Variants in NYAP2 observed in about 807,000 individuals in gnomAD.
The protein encoded by NYAP2 is neuronal tyrosine-phosphorylated phosphoinositide-3-kinase adaptor 2.
A neutral mutation model predicts 50.4 loss-of-function variants in NYAP2; 23 were observed. That is an observed-to-expected ratio of 0.46 (90% CI 0.33 to 0.65). The LOEUF (loss-of-function observed/expected upper bound fraction) is 0.65. Among genes scored for constraint, NYAP2 ranks in the 30% least tolerant of loss-of-function variants. The pLI is 0.02. For missense variants in NYAP2, 885 were observed against 861.0 expected (o/e 1.03, Z -0.35); for synonymous variants, 394 against 365.2 (o/e 1.08, Z -0.90).
chr2:225,498,035 C>G (rs994980955), intron 3 of NYAP2, among the ~76,000 whole-genome samples: 1 of 152,100 alleles, frequency 6.6e-6, no homozygotes, highest in Admixed American at 6.6e-5. Flanking sequence ...ATTTCTGTAA[C>G]TCTTTAATAT....
chr2:225,693,270 T>C, the NYAP2 span, among the ~76,000 whole-genome samples: 1 of 152,100 alleles, frequency 6.6e-6, no homozygotes, highest in Non-Finnish European at 1.5e-5. Context: ...CTTTGGAGCT[T>C]TGAGGAGTAC....
the NYAP2 span, among the ~76,000 whole-genome samples, chr2:225,683,892 T>A: frequency 6.6e-6 from 1 of 152,194 alleles, no homozygotes; most frequent in Non-Finnish European, 1.5e-5. Context: ...TTCTGCCTTT[T>A]CATACTGACC....
chr2:225,675,264 T>C, the NYAP2 span, among the ~76,000 whole-genome samples: 1 of 152,078 alleles, frequency 6.6e-6, no homozygotes, highest in African/African-American at 2.4e-5. Context: ...TAGTACCCAA[T>C]GGGCATTTCT....
At chr2:225,672,785 G>T in the NYAP2 span, among the ~76,000 whole-genome samples, 1 of 133,948 alleles carries the variant, frequency 7.5e-6, no homozygotes, top group African/African-American at 2.7e-5. Context: ...CATGTCTCAG[G>T]GAAGAGGGAG....
chr2:225,578,715 A>G (rs570421069), intron 4 of NYAP2, among the ~76,000 whole-genome samples: 17 of 152,300 alleles, frequency 1.1e-4, no homozygotes, highest in South Asian at 8.3e-4. Flanking sequence ...GCTTGGAAAG[A>G]GTTGTTTAAT....
intron 4 of NYAP2, among the ~76,000 whole-genome samples, chr2:225,541,770 C>T (rs2106204186): frequency 6.6e-6 from 1 of 152,072 alleles, no homozygotes; most frequent in South Asian, 2.1e-4. Flanking sequence ...TTTAGCTATT[C>T]TAGGACTTTG....
intron 6 of NYAP2, among the ~76,000 whole-genome samples, chr2:225,651,193 G>A (rs1297771576): frequency 6.6e-6 from 1 of 152,218 alleles, no homozygotes; most frequent in East Asian, 1.9e-4. Flanking sequence ...GGTAAAATGT[G>A]CAAAGGCACA....
intron 3 of NYAP2, among the ~76,000 whole-genome samples, chr2:225,484,427 G>A (rs542182595): frequency 6.6e-6 from 1 of 152,324 alleles, no homozygotes; most frequent in African/African-American, 2.4e-5. Context: ...CTAGTGTTAA[G>A]ACATAGTTTA....
intron 4 of NYAP2, among the ~76,000 whole-genome samples, chr2:225,540,420 C>T (rs538350681): frequency 4.1e-4 from 63 of 152,310 alleles, no homozygotes; most frequent in East Asian, 7.7e-4. Context: ...GTGAAAGGCA[C>T]GTCTCACATG....
At position 225,652,198 on chromosome 2, in the gene NYAP2, TTTGACTGGCCAGACAAA is replaced by T. The variant is rs1324187261; in HGVS notation, c.*647_*663del. On this transcript the variant is annotated 3_prime_UTR_variant, in exon 7 of 7. Transcript: ENST00000636099. Reference sequence around the variant, plus strand: ...TAGGCTATTGACTGGCCTAAGACAATTTGACTGGCCAGACAAATTGACTGGCCAGATAATCTAGATAT... The same window carrying T: ...TAGGCTATTGACTGGCCTAAGACAATTTGACTGGCCAGATAATCTAGATAT... The T allele has an allele frequency of 1.1e-4, 17 of 152,206 alleles. No individual in the cohort carries two copies. In the South Asian group the frequency reaches 1.5e-3, roughly 13 times the overall value. 9.4% of individuals were successfully genotyped at this position (152,206 alleles called of 1,614,324 possible). A position where few individuals can be genotyped will look rare whatever the true frequency, so the allele number is the denominator to read the frequency against.
intron 3 of NYAP2, among the ~76,000 whole-genome samples, chr2:225,435,508 A>T (rs182607051): frequency 3.9e-5 from 6 of 152,200 alleles, no homozygotes; most frequent in Non-Finnish European, 8.8e-5. Flanking sequence ...GACTGGTCCA[A>T]TACTCAATAT....
At chr2:225,431,975 G>T (rs1322359262) in intron 3 of NYAP2, among the ~76,000 whole-genome samples, 1 of 151,712 alleles carries the variant, frequency 6.6e-6, no homozygotes, top group Non-Finnish European at 1.5e-5. Context: ...TTTGTTGTTT[G>T]TTTGTTTGTT....
In NYAP2 at chr2:225,515,286, G is replaced by A. The variant is rs186960640; in HGVS notation, c.523+1614G>A. Among the ~76,000 whole-genome samples, 34 of 152,346 alleles carry A rather than the reference G, an allele frequency of 2.2e-4. No homozygotes were observed. In the Middle Eastern group the frequency reaches 0.01, roughly 46 times the overall value. On this transcript the variant is annotated intron_variant, in intron 4 of 6. Transcript: ENST00000636099. Reference sequence around the variant, plus strand: ...ATATTTGCAAAATTGACATCATAGTGTATAGTCTTGTGTTTTGTATTTTCA... The same window carrying A: ...ATATTTGCAAAATTGACATCATAGTATATAGTCTTGTGTTTTGTATTTTCA...
At chr2:225,506,068 A>G (rs1251610407) in intron 3 of NYAP2, among the ~76,000 whole-genome samples, 1 of 152,202 alleles carries the variant, frequency 6.6e-6, no homozygotes, top group African/African-American at 2.4e-5. Context: ...AGAAAAAAAA[A>G]AGATTCCCTA....
intron 3 of NYAP2, among the ~76,000 whole-genome samples, chr2:225,454,145 G>A (rs565930126): frequency 5.3e-5 from 8 of 151,940 alleles, no homozygotes; most frequent in South Asian, 2.1e-4. Flanking sequence ...ACAACATAGC[G>A]AGACCCTATC....
chr2:225,577,075 C>T (rs1474216126), intron 4 of NYAP2, among the ~76,000 whole-genome samples: 1 of 151,760 alleles, frequency 6.6e-6, no homozygotes, highest in Non-Finnish European at 1.5e-5. Flanking sequence ...TGACAAGGCA[C>T]GAGGTGAATT....
the NYAP2 span, among the ~76,000 whole-genome samples, chr2:225,660,124 TA>T: frequency 6.6e-6 from 1 of 152,168 alleles, no homozygotes; most frequent in East Asian, 1.9e-4. Context: ...TTGTCCTTGG[TA>T]CCCCCCTAGA....
At chr2:225,475,133 A>G (rs1011129900) in intron 3 of NYAP2, among the ~76,000 whole-genome samples, 19 of 152,356 alleles carry the variant, frequency 1.2e-4, no homozygotes, top group Admixed American at 2.6e-4. Flanking sequence ...AGCATAAGAA[A>G]ATAAAGTCAT....
chr2:225,702,164 A>G, the NYAP2 span: 1 of 151,766 alleles, frequency 6.6e-6, no homozygotes, highest in African/African-American at 2.4e-5. Context: ...GAAGTAGAAT[A>G]GATAGCAATT....
Sources: allele counts gnomAD v4.1 joint callset (sites outside exome capture counted in the v4.1 genomes callset), GRCh38; gene constraint gnomAD v4.1.1; transcripts MANE v1.5; gene names NCBI Gene and HGNC (gene_info 2026-07-23, HGNC 2026-07-21).